HCK: variants seen among roughly 807,000 people sequenced by gnomAD.
HCK encodes the protein tyrosine-protein kinase HCK.
In HCK, 40 loss-of-function variants were observed where a neutral mutation model predicts 70.4. That is an observed-to-expected ratio of 0.57 (90% CI 0.44 to 0.74). The LOEUF (loss-of-function observed/expected upper bound fraction) is 0.74. Ranked by LOEUF, HCK falls within the 30% of genes least tolerant of loss-of-function variation. The pLI is 0.00. For synonymous variants in HCK, 245 were observed against 263.2 expected, an observed-to-expected ratio of 0.93 and a Z score of 0.67; for missense variants, 568 against 697.2, an observed-to-expected ratio of 0.81 and a Z score of 2.09.
chr20:32,066,501 C>A (rs1323856331), intron 1 of HCK, among the ~76,000 whole-genome samples: 1 of 151,478 alleles, frequency 6.6e-6, no homozygotes, highest in Non-Finnish European at 1.5e-5. Context: ...TCGGTAGAGT[C>A]AGGGTTTCAT....
chr20:32,087,639 A>T (rs1255260467), intron 9 of HCK, among the ~76,000 whole-genome samples: 3 of 145,294 alleles, frequency 2.1e-5, no homozygotes, highest in Non-Finnish European at 3.0e-5. Flanking sequence ...GCTAATTTCT[A>T]AAAAAATTTT....
chr20:32,076,537 C>A (rs576131264), intron 5 of HCK, among the ~76,000 whole-genome samples: 50 of 152,232 alleles, frequency 3.3e-4, no homozygotes, highest in African/African-American at 1.2e-3. Flanking sequence ...TTCTCAAAGG[C>A]AACATAATTG....
chr20:32,054,905 G>A (rs1290143050), intron 1 of HCK, among the ~76,000 whole-genome samples: 1 of 152,194 alleles, frequency 6.6e-6, no homozygotes. Context: ...TTATCATTAA[G>A]TTGTCAAAAT....
chr20:32,095,830 C>T (rs1017546000), intron 11 of HCK, among the ~76,000 whole-genome samples: 2 of 152,000 alleles, frequency 1.3e-5, no homozygotes, highest in African/African-American at 2.4e-5. Flanking sequence ...GTCAGAATTG[C>T]AGTCACCTTT....
chr20:32,089,013 G>A (rs1438286147), intron 10 of HCK, among the ~76,000 whole-genome samples: 2 of 152,204 alleles, frequency 1.3e-5, no homozygotes, highest in Admixed American at 1.3e-4. Flanking sequence ...ACTTGCCCAG[G>A]CTAGAATGTC....
intron 1 of HCK, among the ~76,000 whole-genome samples, chr20:32,057,989 G>A (rs889757494): frequency 3.3e-5 from 5 of 152,150 alleles, no homozygotes; most frequent in Admixed American, 2.6e-4. Context: ...TAGGACGTGC[G>A]CTCCTGACTC....
In HCK at chr20:32,071,700, G is replaced by T. The variant is rs756302449; in HGVS notation, c.101G>T (p.Gly34Val). ...AAGTCCAAGTTCCTCCAGGTCGGAG[G>T]CAATACATTCTCAAAAACTGAAACC... is the stretch of plus-strand genomic sequence containing the variant. Residue 34 changes from glycine to valine, a missense_variant, in exon 2 of 13, where the codon GGC becomes GTC. Transcript: ENST00000375852. 15 of 1,614,042 alleles carry T rather than the reference G, an allele frequency of 9.3e-6. No individual in the cohort carries two copies. The Admixed American group carries it at 2.2e-4, about 23-fold the overall frequency.
At chr20:32,058,568 A>C (rs921638746) in intron 1 of HCK, among the ~76,000 whole-genome samples, 2 of 148,050 alleles carry the variant, frequency 1.4e-5, no homozygotes, top group Non-Finnish European at 3.0e-5. Context: ...GGAGGATACT[A>C]CTCATGATTC....
intron 1 of HCK, among the ~76,000 whole-genome samples, chr20:32,060,203 C>CTA (rs1405441888): frequency 6.6e-6 from 1 of 152,030 alleles, no homozygotes; most frequent in Non-Finnish European, 1.5e-5. Context: ...ATATTTATAG[C>CTA]TATTGGTTTT....
chr20:32,071,787 G>C lies in HCK; in HGVS notation c.183+5G>C. The C allele has an allele frequency of 6.2e-7, 1 of 1,612,864 alleles. No individual in the cohort carries two copies. Among genetic ancestry groups the C allele is most frequent in the East Asian group, 2.2e-5 (1 of 44,840 alleles). ...CCCACATCCACCATCAAGCCGGTGA[G>C]TAGGGGAGGTCCCAGTTTCCCTGGG... is the stretch of plus-strand genomic sequence containing the variant. On this transcript the variant is annotated splice_donor_5th_base_variant and intron_variant, in intron 2 of 12. Transcript: ENST00000375852.
At chr20:32,081,404 C>T (rs1215887633) in intron 6 of HCK, among the ~76,000 whole-genome samples, 1 of 152,332 alleles carries the variant, frequency 6.6e-6, no homozygotes, top group South Asian at 2.1e-4. Flanking sequence ...AAGGAATGAA[C>T]ATCAGTAGGA....
intron 1 of HCK, among the ~76,000 whole-genome samples, chr20:32,057,076 A>G (rs1019875457): frequency 5.9e-5 from 9 of 152,194 alleles, no homozygotes; most frequent in Admixed American, 5.2e-4. Context: ...CTGTCTCCTA[A>G]AACATTAGAA....
At chr20:32,081,770 C>A (rs924535384) in intron 6 of HCK, among the ~76,000 whole-genome samples, 3 of 152,238 alleles carry the variant, frequency 2.0e-5, no homozygotes, top group Non-Finnish European at 4.4e-5. Context: ...CCCAGCGCTT[C>A]TCCTCTCTAG....
intron 1 of HCK, chr20:32,054,330 A>G (rs1056736366): frequency 3.9e-5 from 18 of 455,840 alleles, no homozygotes; most frequent in African/African-American, 3.0e-4. Flanking sequence ...TAAAAATGCT[A>G]TCTATGCAGT....
intron 11 of HCK, among the ~76,000 whole-genome samples, chr20:32,097,199 G>T (rs2045968219): frequency 1.3e-5 from 2 of 152,062 alleles, no homozygotes; most frequent in Non-Finnish European, 2.9e-5. Flanking sequence ...AGAATCGCTT[G>T]AGCCCAGGAG....
intron 5 of HCK, among the ~76,000 whole-genome samples, chr20:32,075,706 TCATCCATC>T (rs56660439): frequency 8.0e-5 from 12 of 150,474 alleles, no homozygotes; most frequent in South Asian, 2.1e-4. Flanking sequence ...ATCCATCCAT[TCATCCATC>T]CATCCATCCA....
rs2046033632 is a variant in HCK at position 32,101,454 on chromosome 20, T to C, written c.1516T>C (p.Tyr506His). ...TCCGGAGGAGCGGCCGACCTTCGAA[T>C]ACATCCAGAGTGTGCTGGATGACTT... Residue 506 changes from tyrosine to histidine, a missense_variant, in exon 13 of 13, where the codon TAC (tyrosine) becomes CAC (histidine). This residue lies in a region of HCK where 77 missense variants were observed against 85.0 expected (regional missense o/e 0.91). Coordinates refer to ENST00000375852, the MANE Select transcript of HCK (RefSeq NM_002110.5). The C allele has an allele frequency of 6.2e-7, 1 of 1,613,842 alleles. No homozygotes were observed. The highest frequency in any genetic ancestry group is 1.3e-5 in the African/African-American group (1 of 74,908).
At chr20:32,074,179 C>A (rs1376733422) in intron 4 of HCK, among the ~76,000 whole-genome samples, 5 of 152,150 alleles carry the variant, frequency 3.3e-5, no homozygotes, top group African/African-American at 1.2e-4. Flanking sequence ...TCTCCTACAG[C>A]CTTCACCATC....
At chr20:32,077,626 A>C (rs1003518723) in intron 5 of HCK, among the ~76,000 whole-genome samples, 1 of 152,140 alleles carries the variant, frequency 6.6e-6, no homozygotes, top group Non-Finnish European at 1.5e-5. Context: ...TCCCGGGTTC[A>C]AGCGATTCTC....
Sources: allele counts gnomAD v4.1 joint callset (sites outside exome capture counted in the v4.1 genomes callset), GRCh38; gene constraint gnomAD v4.1.1; regional missense constraint gnomAD v4.1.1; transcripts MANE v1.5; gene names NCBI Gene and HGNC (gene_info 2026-07-23, HGNC 2026-07-21).